The following APBA2 variants were observed in gnomAD, a reference collection of about 807,000 sequenced individuals.
The protein encoded by APBA2 is amyloid-beta A4 precursor protein-binding family A member 2.
Under a neutral mutation model 75.0 loss-of-function variants are expected in APBA2, and 30 were observed. That is an observed-to-expected ratio of 0.40 (90% CI 0.30 to 0.54). The LOEUF is 0.54. APBA2 is among the 20% of genes least tolerant of loss of function. The probability of loss-of-function intolerance (pLI) is 0.49; values close to 1 mark genes in which losing one functional copy is unlikely to be tolerated. For synonymous variants in APBA2, 444 were observed against 409.6 expected (o/e 1.08, Z -1.01); for missense variants, 801 against 1,016.1 (o/e 0.79, Z 2.88).
chr15:28,909,025 T>C (rs1205398449), intron 1 of APBA2, among the ~76,000 whole-genome samples: 6 of 150,822 alleles, frequency 4.0e-5, no homozygotes, highest in South Asian at 2.1e-4. Flanking sequence ...CTTGCTCTGT[T>C]GCCCAGGCTG....
intron 2 of APBA2, among the ~76,000 whole-genome samples, chr15:28,959,023 T>C (rs1049293046): frequency 3.3e-5 from 5 of 152,156 alleles, no homozygotes; most frequent in African/African-American, 1.2e-4. Context: ...AGAATCTCCC[T>C]CTGTCGCCAG....
At chr15:29,034,810 A>T (rs1318124084) in intron 3 of APBA2, among the ~76,000 whole-genome samples, 1 of 152,036 alleles carries the variant, frequency 6.6e-6, no homozygotes, top group Non-Finnish European at 1.5e-5. Flanking sequence ...GGTCTGGGGG[A>T]GGGCCCAAGA....
chr15:28,897,508 C>T (rs148422059), intron 1 of APBA2, among the ~76,000 whole-genome samples: 9 of 147,678 alleles, frequency 6.1e-5, no homozygotes, highest in Middle Eastern at 3.6e-3. Flanking sequence ...ACCCCAGCTA[C>T]TCGGGAGGTT....
At chr15:29,049,861 CTA>C (rs2041512684) in intron 3 of APBA2, among the ~76,000 whole-genome samples, 1 of 152,108 alleles carries the variant, frequency 6.6e-6, no homozygotes, top group Admixed American at 6.5e-5. Flanking sequence ...GAAATGGGTG[CTA>C]TGAGTGTAAA....
At chr15:29,072,726 C>A (rs1011037785) in intron 4 of APBA2, among the ~76,000 whole-genome samples, 2 of 152,056 alleles carry the variant, frequency 1.3e-5, no homozygotes, top group Non-Finnish European at 2.9e-5. Flanking sequence ...CCAGACAAAC[C>A]AGAGCCGGGC....
At chr15:28,901,570 C>T (rs192754274) in intron 1 of APBA2, among the ~76,000 whole-genome samples, 6 of 152,164 alleles carry the variant, frequency 3.9e-5, no homozygotes, top group African/African-American at 1.4e-4. Flanking sequence ...TGCTTTCCAG[C>T]TGCATCTCCC....
At position 28,981,064 on chromosome 15, in the gene APBA2, G is replaced by A. The variant is rs112913613; in HGVS notation, c.-94-14689G>A. Among the ~76,000 whole-genome samples, 50 of 152,250 alleles carry A rather than the reference G, an allele frequency of 3.3e-4. 1 individual carries two copies. Among genetic ancestry groups the A allele is most frequent in the Admixed American group, 1.2e-3 (19 of 15,278 alleles). On this transcript the variant is annotated intron_variant, in intron 2 of 14. Transcript: ENST00000683413. ...GTTGGATTAAAGATTCAACCTATGAGAATCCTAGAAGAAAACCTAGAGAAA... is the reference window on the plus strand; with the variant it reads ...GTTGGATTAAAGATTCAACCTATGAAAATCCTAGAAGAAAACCTAGAGAAA...
chr15:29,101,785 G>T lies in APBA2; in HGVS notation c.1524+1G>T. On this transcript the variant is annotated splice_donor_variant, in intron 10 of 14. Transcript: ENST00000683413. LOFTEE classifies it high-confidence loss of function. ...CTGCCATGTGTTCGAGTCGGAGGATGTAAGTAAGCCCTTGCCAGGGCACTC... is the reference window on the plus strand; with the variant it reads ...CTGCCATGTGTTCGAGTCGGAGGATTTAAGTAAGCCCTTGCCAGGGCACTC... 1 of 1,612,950 alleles carries T rather than the reference G, an allele frequency of 6.2e-7. No homozygotes were observed. The highest frequency in any genetic ancestry group is 8.5e-7 in the Non-Finnish European group (1 of 1,179,806).
chr15:28,912,949 C>T (rs912094274), intron 1 of APBA2, among the ~76,000 whole-genome samples: 2 of 152,218 alleles, frequency 1.3e-5, no homozygotes, highest in Non-Finnish European at 2.9e-5. Context: ...CTGCTGTGTG[C>T]TAGGCACTGC....
At chr15:28,978,478 T>C (rs1441987633) in intron 2 of APBA2, among the ~76,000 whole-genome samples, 1 of 152,168 alleles carries the variant, frequency 6.6e-6, no homozygotes, top group African/African-American at 2.4e-5. Context: ...ACTTTAATGG[T>C]AGGACAGAAG....
In APBA2 at chr15:28,985,429, T is replaced by C. The variant is rs78167831; in HGVS notation, c.-94-10324T>C. 2.2e-4 allele frequency among the ~76,000 whole-genome samples: 34 copies of C among 152,314 alleles called. No homozygotes were observed. In the East Asian group the frequency reaches 5.6e-3, roughly 25 times the overall value. On this transcript the variant is annotated intron_variant, in intron 2 of 14. Coordinates refer to ENST00000683413, the MANE Select transcript of APBA2 (RefSeq NM_001353788.2). ...CTAACAAGCCGAGGTCAGAGAGCAC[T>C]GAAAGGAGGCCTAAGTGCTTCTGCC...
rs750446406 is a variant in APBA2 at position 29,046,896 on chromosome 15, G to A, written c.-40-6949G>A. Among the ~76,000 whole-genome samples the A allele has an allele frequency of 1.1e-4, 17 of 152,326 alleles. No homozygotes were observed. Among genetic ancestry groups the A allele is most frequent in the South Asian group, 2.1e-4 (1 of 4,828 alleles). ...GCCACCTGTGTCAGCAGAGTTCCCC[G>A]TTCCCATCTAAGACATTCACCTCAT... is the stretch of plus-strand genomic sequence containing the variant. On this transcript the variant is annotated intron_variant, in intron 3 of 14. Coordinates refer to ENST00000683413, the MANE Select transcript of APBA2 (RefSeq NM_001353788.2). This position sits in a 1 kb window ranked among gnomAD's most constrained non-coding sequence, Gnocchi z 5.0.
intron 1 of APBA2, among the ~76,000 whole-genome samples, chr15:28,894,879 G>A (rs186909124): frequency 6.6e-6 from 1 of 151,986 alleles, no homozygotes; most frequent in African/African-American, 2.4e-5. Flanking sequence ...CACTGCATGG[G>A]GTGGGGAGGG....
intron 2 of APBA2, among the ~76,000 whole-genome samples, chr15:28,935,467 G>A (rs553491025): frequency 6.6e-6 from 1 of 152,346 alleles, no homozygotes; most frequent in Admixed American, 6.5e-5. Context: ...GCTGCTGGGG[G>A]AGCCCCTCTG....
Position 29,117,114 on chromosome 15 carries a change from A to G in APBA2, c.2231A>G (p.Glu744Gly). 1 of 1,613,262 alleles carries G rather than the reference A, an allele frequency of 6.2e-7. No individual in the cohort carries two copies. Among genetic ancestry groups the G allele is most frequent in the Non-Finnish European group, 8.5e-7 (1 of 1,179,986 alleles). Reference sequence around the variant, plus strand: ...ATGTTCAGGCTCCTCACGGGTCAGGAGACCCCGCTGTACATCTAGGCCACC... The same window carrying G: ...ATGTTCAGGCTCCTCACGGGTCAGGGGACCCCGCTGTACATCTAGGCCACC... ...AAMFRLLTGQ[E>G]TPLYI Residue 744 changes from glutamate to glycine, a missense_variant, in exon 15 of 15, where the codon GAG becomes GGG. Physicochemically the swap from Glu to Gly is moderately conservative, Grantham distance 98. Transcript: ENST00000683413.
chr15:29,043,654 T>G (rs2041162851), intron 3 of APBA2, among the ~76,000 whole-genome samples: 1 of 152,208 alleles, frequency 6.6e-6, no homozygotes, highest in Non-Finnish European at 1.5e-5. Flanking sequence ...TGTAAATATT[T>G]CAGATGCCAC....
At chr15:28,920,688 TG>T (rs2152669108) in intron 1 of APBA2, among the ~76,000 whole-genome samples, 1 of 152,306 alleles carries the variant, frequency 6.6e-6, no homozygotes, top group African/African-American at 2.4e-5. Flanking sequence ...GCAGCAGCCG[TG>T]GATGTTAAAG....
intron 2 of APBA2, among the ~76,000 whole-genome samples, chr15:28,955,240 G>A (rs911494327): frequency 3.3e-5 from 5 of 152,024 alleles, no homozygotes; most frequent in South Asian, 2.1e-4. Flanking sequence ...GAGGTGATGC[G>A]TTTTGTGTGG....
At chr15:28,996,989 C>CA (rs1210309295) in intron 3 of APBA2, among the ~76,000 whole-genome samples, 4 of 152,182 alleles carry the variant, frequency 2.6e-5, no homozygotes, top group Admixed American at 2.6e-4. Context: ...CAGGGCAGCA[C>CA]AAGGCCACAA....
Sources: gnomAD v4.1 joint callset for allele counts (sites outside exome capture counted in the v4.1 genomes callset) on GRCh38, gnomAD v4.1.1 for gene constraint, Gnocchi (gnomAD v3.1) non-coding constraint, MANE v1.5 for transcripts, NCBI Gene and HGNC (gene_info 2026-07-23, HGNC 2026-07-21) for gene names.